The following SPAM1 variants were observed in gnomAD, a reference collection of about 807,000 sequenced individuals.
SPAM1 encodes the protein hyaluronidase PH-20.
A neutral mutation model predicts 29.6 loss-of-function variants in SPAM1; 22 were observed. The observed-to-expected ratio is 0.74, with a 90% CI of 0.53 to 1.06. The LOEUF is 1.06. Ranked by LOEUF, SPAM1 falls within the 50% of genes least tolerant of loss-of-function variation. SPAM1 has a pLI of 0.00. For synonymous variants in SPAM1, 194 were observed against 204.6 expected (o/e 0.95, Z 0.44); for missense variants, 534 against 604.0 (o/e 0.88, Z 1.21).
downstream of SPAM1, among the ~76,000 whole-genome samples, chr7:123,964,991 T>G (rs1792404548): frequency 6.6e-6 from 1 of 152,032 alleles, no homozygotes; most frequent in African/African-American, 2.4e-5. Context: ...ACTTCACAAT[T>G]CTTCATAAAT....
chr7:123,957,667 G>T (rs766727288), intron 4 of SPAM1, among the ~76,000 whole-genome samples: 2 of 152,004 alleles, frequency 1.3e-5, no homozygotes. Context: ...GGGTTTCAAT[G>T]GAATAAAATC....
chr7:123,962,013 T>C (rs539524975), downstream of SPAM1, among the ~76,000 whole-genome samples: 5 of 152,110 alleles, frequency 3.3e-5, no homozygotes, highest in South Asian at 1.0e-3. Context: ...GTGGGAATTA[T>C]GGGAGCTACA....
chr7:123,932,597 T>A (rs1808121750), intron 1 of SPAM1: 1 of 152,302 alleles, frequency 6.6e-6, no homozygotes, highest in Non-Finnish European at 1.5e-5. Context: ...AACAGTAAAC[T>A]GATTTGCCAT....
At chr7:123,958,834 G>GA (rs72213692) in intron 4 of SPAM1, among the ~76,000 whole-genome samples, 289 of 140,574 alleles carry the variant, frequency 2.1e-3, no homozygotes, top group Middle Eastern at 7.3e-3. Flanking sequence ...TTTGTCTCAG[G>GA]AAAAAAAAAA....
intron 6 of SPAM1, among the ~76,000 whole-genome samples, chr7:123,970,592 A>AAATAATAAT (rs150055865): frequency 0.04 from 5,779 of 146,210 alleles, 171 homozygotes; most frequent in Middle Eastern, 0.082. Context: ...CCATCTCTAC[A>AAATAATAAT]AATAATAATA....
intron 1 of SPAM1, among the ~76,000 whole-genome samples, chr7:123,946,812 A>G (rs2117047475): frequency 6.6e-6 from 1 of 152,278 alleles, no homozygotes; most frequent in African/African-American, 2.4e-5. Context: ...AGAGGAAGCA[A>G]TCAGATACGC....
chr7:123,952,114 A>T (rs1158518898), intron 2 of SPAM1, among the ~76,000 whole-genome samples: 2 of 152,048 alleles, frequency 1.3e-5, no homozygotes, highest in Non-Finnish European at 2.9e-5. Context: ...TCCCCCTAAT[A>T]TTATTTTAGG....
At position 123,954,068 on chromosome 7, in the gene SPAM1, T is replaced by G. The variant is rs757595114; in HGVS notation, c.498T>G (p.Asn166Lys). ...GGAAACCTAAAGATGTTTACAAGAA[T>G]AGGTCTATTGAATTGGTTCAGCAAC... ...RNWKPKDVYK[N>K]RSIELVQQQN... The change falls in exon 3 of 5, where the codon AAT (asparagine) becomes AAG (lysine). Residue 166 changes from asparagine (N) to lysine (K), a missense_variant. Transcript: ENST00000682466. 5 of 1,613,368 alleles carry G rather than the reference T, an allele frequency of 3.1e-6. No homozygotes were observed. Among genetic ancestry groups the G allele is most frequent in the Non-Finnish European group, 4.2e-6 (5 of 1,179,722 alleles).
intron 5 of SPAM1, among the ~76,000 whole-genome samples, chr7:123,969,198 A>G (rs1792466385): frequency 6.6e-6 from 1 of 152,052 alleles, no homozygotes; most frequent in Non-Finnish European, 1.5e-5. Context: ...GTCCCTAGCC[A>G]GATGAACTGT....
At chr7:123,963,098 T>G (rs1194015434), downstream of SPAM1, among the ~76,000 whole-genome samples, 1 of 151,888 alleles carries the variant, frequency 6.6e-6, no homozygotes, top group African/African-American at 2.4e-5. Context: ...CTTGGCATAC[T>G]TTTGCCAGGA....
intron 1 of SPAM1, among the ~76,000 whole-genome samples, chr7:123,944,742 A>G (rs10269135): frequency 0.13 from 19,674 of 152,148 alleles, 1,377 homozygotes; most frequent in South Asian, 0.15. Flanking sequence ...TTATGACCCA[A>G]AGAAAAAACT....
At chr7:123,939,365 C>A (rs1051345199) in intron 1 of SPAM1, among the ~76,000 whole-genome samples, 2 of 152,140 alleles carry the variant, frequency 1.3e-5, no homozygotes, top group Non-Finnish European at 2.9e-5. Context: ...GGATTACAGG[C>A]GTGAGCCACT....
At chr7:123,965,456 T>A (rs1262192222) in intron 5 of SPAM1, among the ~76,000 whole-genome samples, 1 of 152,062 alleles carries the variant, frequency 6.6e-6, no homozygotes, top group Non-Finnish European at 1.5e-5. Flanking sequence ...AAGTCTTTAA[T>A]TCATCTTAAG....
chr7:123,959,441 A>C, intron 4 of SPAM1, 43 bp from the exon 5 acceptor site: 1 of 1,406,352 alleles, frequency 7.1e-7, no homozygotes, highest in Non-Finnish European at 9.7e-7. Context: ...ATTTGAACTA[A>C]CTTGTCCTTT....
chr7:123,937,329 C>A (rs147321057), intron 1 of SPAM1, among the ~76,000 whole-genome samples: 1 of 152,080 alleles, frequency 6.6e-6, no homozygotes, highest in Non-Finnish European at 1.5e-5. Flanking sequence ...AGGCCGGGCG[C>A]GGTGGCTCAC....
chr7:123,958,482 T>G (rs1410240823), intron 4 of SPAM1, among the ~76,000 whole-genome samples: 4 of 152,026 alleles, frequency 2.6e-5, no homozygotes, highest in Non-Finnish European at 5.9e-5. Context: ...TTGAACCCGT[T>G]TAATGTATTC....
chr7:123,943,303 C>T (rs888911360), intron 1 of SPAM1, among the ~76,000 whole-genome samples: 4 of 152,114 alleles, frequency 2.6e-5, no homozygotes, highest in Non-Finnish European at 4.4e-5. Flanking sequence ...CCTTCAAGTG[C>T]ACCCGTCAGA....
intron 1 of SPAM1, among the ~76,000 whole-genome samples, chr7:123,949,400 A>G (rs1381411197): frequency 6.6e-6 from 1 of 152,184 alleles, no homozygotes; most frequent in African/African-American, 2.4e-5. Context: ...GCATGCACTT[A>G]CATGTTTTTG....
intron 4 of SPAM1, among the ~76,000 whole-genome samples, chr7:123,955,476 A>G (rs1367936034): frequency 6.6e-6 from 1 of 151,966 alleles, no homozygotes; most frequent in Non-Finnish European, 1.5e-5. Context: ...ACTCAATAGG[A>G]AAGCTGTTGT....
Sources: allele counts gnomAD v4.1 joint callset (sites outside exome capture counted in the v4.1 genomes callset), GRCh38; gene constraint gnomAD v4.1.1; transcripts MANE v1.5; gene names NCBI Gene and HGNC (gene_info 2026-07-23, HGNC 2026-07-21).